The following RAF1 variants were observed in gnomAD, a reference collection of about 807,000 sequenced individuals.
RAF1 encodes the protein Raf-1 proto-oncogene, serine/threonine kinase, also known as RAF proto-oncogene serine/threonine-protein kinase.
Under a neutral mutation model 81.1 loss-of-function variants are expected in RAF1, and 27 were observed. The ratio of observed to expected loss-of-function variants is 0.33; its 90% CI spans 0.25 to 0.46. The LOEUF is 0.46. RAF1 is among the 20% of genes least tolerant of loss of function. The probability of loss-of-function intolerance (pLI) is 1.00; values close to 1 mark genes in which losing one functional copy is unlikely to be tolerated. For missense variants in RAF1, 598 were observed against 826.0 expected, an observed-to-expected ratio of 0.72 and a Z score of 3.38; for synonymous variants, 298 against 294.0, an observed-to-expected ratio of 1.01 and a Z score of -0.14.
At chr3:12,656,697 T>C (rs911761839) in intron 1 of RAF1, among the ~76,000 whole-genome samples, 1 of 152,102 alleles carries the variant, frequency 6.6e-6, no homozygotes, top group Admixed American at 6.6e-5. Flanking sequence ...ATAAGACATC[T>C]ATACAAGAAA....
intron 5 of RAF1, among the ~76,000 whole-genome samples, chr3:12,607,419 G>A (rs892240259): frequency 4.6e-5 from 7 of 152,116 alleles, no homozygotes; most frequent in Non-Finnish European, 7.3e-5. Flanking sequence ...AGGCCAAGGC[G>A]GACAGATTGC....
chr3:12,587,244 ATAAACT>A (rs1373144033), intron 14 of RAF1: 3 of 325,442 alleles, frequency 9.2e-6, no homozygotes, highest in African/African-American at 4.3e-5. Flanking sequence ...CAAACTAGAA[ATAAACT>A]TAAGACAAAA....
chr3:12,617,229 C>A (rs1488795373), intron 2 of RAF1, among the ~76,000 whole-genome samples: 1 of 152,222 alleles, frequency 6.6e-6, no homozygotes, highest in South Asian at 2.1e-4. Context: ...TCTCCTGCCT[C>A]AGCCTCCCAA....
rs1357751435 is a variant in RAF1 at position 12,590,418 on chromosome 3, A to G, written c.1430+380T>C. The G allele has an allele frequency of 1.7e-4, 13 of 77,580 alleles. No homozygotes were observed. In the African/African-American group the frequency reaches 3.9e-3, roughly 23 times the overall value. 4.8% of individuals were successfully genotyped at this position (77,580 alleles called of 1,614,324 possible). ...AGCTCCCCGCAACCTCTGCTTTCCA[A>G]TGTTCAAGCGATTCTCCCTGTCCCA... is the stretch of plus-strand genomic sequence containing the variant. On this transcript the variant is annotated intron_variant, in intron 13 of 17. Coordinates refer to ENST00000442415, the MANE Select transcript of RAF1 (RefSeq NM_001354689.3).
At chr3:12,644,492 A>C (rs1236982026) in intron 1 of RAF1, among the ~76,000 whole-genome samples, 3 of 152,198 alleles carry the variant, frequency 2.0e-5, no homozygotes, top group Non-Finnish European at 4.4e-5. Flanking sequence ...AGTTAAGTGT[A>C]CAAGAACTAC....
chr3:12,591,019 C>A, intron 12 of RAF1, 45 bp from the exon 12 acceptor site: 2 of 1,533,472 alleles, frequency 1.3e-6, no homozygotes, highest in South Asian at 2.4e-5. Flanking sequence ...GGAAAGTGCT[C>A]AGGGAGGTCT....
rs566413884 is a variant in RAF1 at position 12,642,888 on chromosome 3, G to GA, written c.-27+20924dup. Among the ~76,000 whole-genome samples, 688 of 130,716 alleles carry GA rather than the reference G, an allele frequency of 5.3e-3. 6 individuals carry two copies. The highest frequency in any genetic ancestry group is 0.015 in the African/African-American group (527 of 35,416). 85.8% of individuals were successfully genotyped at this position (130,716 alleles called of 152,430 possible). ...GGTGATACAGCAAGACTCTGTCTCA[G>GA]AAAAAAAAAAAAGAAAAAAGTCAAG... On this transcript the variant is annotated intron_variant, in intron 1 of 17. Coordinates refer to ENST00000442415, the MANE Select transcript of RAF1 (RefSeq NM_001354689.3).
At chr3:12,640,632 A>G (rs1464660236) in intron 1 of RAF1, among the ~76,000 whole-genome samples, 1 of 152,248 alleles carries the variant, frequency 6.6e-6, no homozygotes, top group Non-Finnish European at 1.5e-5. Context: ...ATCACTGGCC[A>G]TCAGAGAAAT....
At chr3:12,623,471 C>G (rs2059607460) in intron 1 of RAF1, among the ~76,000 whole-genome samples, 1 of 152,200 alleles carries the variant, frequency 6.6e-6, no homozygotes, top group African/African-American at 2.4e-5. Flanking sequence ...ATTTTATTTT[C>G]TATCTCCATA....
At position 12,622,014 on chromosome 3, in the gene RAF1, C is replaced by T. The variant is rs146688827; in HGVS notation, c.-26-3267G>A. On this transcript the variant is annotated intron_variant, in intron 1 of 17. Transcript: ENST00000442415. ...TTACTATTACACTATAAACTTTTAT[C>T]GGCATATTTTATTTCTGTAAGAGGG... Among the ~76,000 whole-genome samples the T allele has an allele frequency of 2.1e-3, 326 of 152,226 alleles. 1 individual carries two copies. The highest frequency in any genetic ancestry group is 4.0e-3 in the Non-Finnish European group (274 of 68,004).
chr3:12,592,124 G>GCCT, intron 11 of RAF1: 1 of 372,756 alleles, frequency 2.7e-6, no homozygotes, highest in Non-Finnish European at 5.2e-6. Flanking sequence ...CTACAGTTAG[G>GCCT]CCTTCGATAG....
At chr3:12,635,669 G>T (rs2060003074) in intron 1 of RAF1, among the ~76,000 whole-genome samples, 2 of 143,238 alleles carry the variant, frequency 1.4e-5, no homozygotes, top group African/African-American at 2.5e-5. Flanking sequence ...AAGAGAGAGA[G>T]AGATTACTTT....
chr3:12,647,358 T>G (rs1251230472), intron 1 of RAF1, among the ~76,000 whole-genome samples: 1 of 150,374 alleles, frequency 6.7e-6, no homozygotes, highest in Non-Finnish European at 1.5e-5. Flanking sequence ...CTCAGCACTT[T>G]GAGAGGTTGA....
At position 12,649,614 on chromosome 3, in the gene RAF1, C is replaced by T. The variant is rs978674652; in HGVS notation, c.-27+14199G>A. Among the ~76,000 whole-genome samples the T allele has an allele frequency of 1.2e-3, 170 of 141,230 alleles. 1 individual carries two copies. Among genetic ancestry groups the T allele is most frequent in the Non-Finnish European group, 1.8e-3 (117 of 64,790 alleles). The allele number at this position is 141,230 out of a possible 152,430, so 92.7% of individuals were successfully genotyped here. On this transcript the variant is annotated intron_variant, in intron 1 of 17. Coordinates refer to ENST00000442415, the MANE Select transcript of RAF1 (RefSeq NM_001354689.3). ...TCACACACACACACACACACACACA[C>T]ACACACAGTTTTCACTGTTAGTTAC...
intron 1 of RAF1, among the ~76,000 whole-genome samples, chr3:12,660,411 C>A (rs186257393): frequency 6.6e-6 from 1 of 152,086 alleles, no homozygotes; most frequent in Admixed American, 6.6e-5. Context: ...GAGCCTTTCA[C>A]CTCAGCCTCC....
intron 2 of RAF1, among the ~76,000 whole-genome samples, chr3:12,615,188 A>C: frequency 6.6e-6 from 1 of 152,228 alleles, no homozygotes; most frequent in South Asian, 2.1e-4. Flanking sequence ...GCTGACTCTA[A>C]TAGTAGTGGT....
At chr3:12,614,806 T>C (rs1309513862) in intron 2 of RAF1, among the ~76,000 whole-genome samples, 1 of 152,152 alleles carries the variant, frequency 6.6e-6, no homozygotes, top group Non-Finnish European at 1.5e-5. Flanking sequence ...TTCCAGCTTT[T>C]CAGAAACAAA....
intron 1 of RAF1, among the ~76,000 whole-genome samples, chr3:12,631,535 C>A (rs1192649583): frequency 6.6e-6 from 1 of 152,124 alleles, no homozygotes; most frequent in East Asian, 1.9e-4. Context: ...GGAGGCGGAG[C>A]TTGCAGTGAG....
At chr3:12,636,090 A>C (rs927887303) in intron 1 of RAF1, among the ~76,000 whole-genome samples, 4 of 151,930 alleles carry the variant, frequency 2.6e-5, no homozygotes, top group African/African-American at 9.7e-5. Context: ...GTTCCAGACC[A>C]GCCTGGCCAG....
Sources: allele counts gnomAD v4.1 joint callset (sites outside exome capture counted in the v4.1 genomes callset), GRCh38; gene constraint gnomAD v4.1.1; transcripts MANE v1.5; gene names NCBI Gene and HGNC (gene_info 2026-07-23, HGNC 2026-07-21).